RBM19: variants seen among roughly 807,000 people sequenced by gnomAD.
RBM19 encodes RNA binding motif protein 19.
In RBM19, 94 loss-of-function variants were observed where a neutral mutation model predicts 116.8. That is an observed-to-expected ratio of 0.80 (90% CI 0.68 to 0.95). The LOEUF (loss-of-function observed/expected upper bound fraction) is 0.95. Among genes scored for constraint, RBM19 ranks in the 40% least tolerant of loss-of-function variants. The pLI, the probability that RBM19 is intolerant of heterozygous loss-of-function variation, is 0.00. For synonymous variants in RBM19, 475 were observed against 494.1 expected, an observed-to-expected ratio of 0.96 and a Z score of 0.51; for missense variants, 1,161 against 1,220.7, an observed-to-expected ratio of 0.95 and a Z score of 0.73.
In RBM19 at chr12:113,947,395, G is replaced by C; in HGVS notation, c.1346C>G (p.Thr449Ser). Residue 449 changes from threonine to serine, a missense_variant, in exon 11 of 24, where the codon ACC becomes AGC. Thr to Ser is a moderately conservative substitution (Grantham distance 58). Transcript: ENST00000261741. ...CACAGCGTGCTCAGGGAACATGAAG[G>C]TGATGAATGCAAAACCCTTGGGTTT... ...TKKPKGFAFITFMFPEHAVKA... is the reference protein window; with the variant it reads ...TKKPKGFAFISFMFPEHAVKA... The C allele has an allele frequency of 6.2e-7, 1 of 1,611,898 alleles. No homozygotes were observed. Among genetic ancestry groups the C allele is most frequent in the Non-Finnish European group, 8.5e-7 (1 of 1,178,114 alleles).
Position 113,939,991 on chromosome 12 carries a change from C to T in RBM19, c.1907G>A (p.Arg636His), listed in dbSNP as rs201979395. The change falls in exon 15 of 24, where the codon CGC becomes CAC. Residue 636 changes from arginine to histidine, a missense_variant. By Grantham distance (29) the Arg-to-His change is conservative. Coordinates refer to ENST00000261741, the MANE Select transcript of RBM19 (RefSeq NM_016196.4). ...IVEFLEPLEA[R>H]KAFRHLAYSK... ...ATAGGCCAGATGCCTGAAGGCCTTG[C>T]GGGCCTCCAGGGGCTCCAGGAACTC... The T allele has an allele frequency of 5.3e-5, 85 of 1,613,940 alleles. No homozygotes were observed. The Middle Eastern group carries it at 1.3e-3, about 25-fold the overall frequency.
At chr12:113,909,866 C>T in intron 21 of RBM19, among the ~76,000 whole-genome samples, 1 of 152,174 alleles carries the variant, frequency 6.6e-6, no homozygotes, top group Non-Finnish European at 1.5e-5. Context: ...ATGAGCCCGG[C>T]ACTACGCTAG....
intron 21 of RBM19, among the ~76,000 whole-genome samples, chr12:113,891,539 C>T (rs1395465612): frequency 6.6e-6 from 1 of 152,156 alleles, no homozygotes; most frequent in African/African-American, 2.4e-5. Context: ...CTGGAATCGT[C>T]CAGGTGGACA....
rs867069088 is a variant in RBM19 at position 113,837,246 on chromosome 12, T to C, written c.2785+7422A>G. The stretch of plus-strand genomic sequence containing the variant: ...CCAGGCTTATAACCCATCCTCCTAA[T>C]ACACACACACACACACACACACACA... On this transcript the variant is annotated intron_variant, in intron 23 of 23. Transcript: ENST00000261741. Among the ~76,000 whole-genome samples the C allele has an allele frequency of 4.7e-4, 60 of 126,898 alleles. No homozygotes were observed. In the East Asian group the frequency reaches 5.1e-3, roughly 11 times the overall value. The allele number at this position is 126,898 out of a possible 152,430, so 83.3% of individuals were successfully genotyped here. A position where few individuals can be genotyped will look rare whatever the true frequency, so the allele number is the denominator to read the frequency against.
Position 113,940,118 on chromosome 12 carries a change from G to A in RBM19, c.1780C>T (p.Leu594Phe). The change falls in exon 15 of 24, where the codon CTC becomes TTC. Residue 594 changes from leucine to phenylalanine, a missense_variant. Transcript: ENST00000261741. The part of the protein sequence containing the change: ...RSKTVILVKN[L>F]PAGTLAAQLQ... Reference sequence around the variant, plus strand: ...TGGGCCGCCAGGGTGCCTGCCGGGAGGTTCTTGACCAGAATCACAGTCTTG... The same window carrying A: ...TGGGCCGCCAGGGTGCCTGCCGGGAAGTTCTTGACCAGAATCACAGTCTTG... 6.2e-7 allele frequency: 1 copy of A among 1,614,170 alleles called. No homozygotes were observed.
At chr12:113,860,548 C>T (rs1255014278) in intron 21 of RBM19, among the ~76,000 whole-genome samples, 2 of 152,234 alleles carry the variant, frequency 1.3e-5, no homozygotes, top group Admixed American at 6.5e-5. Flanking sequence ...GCGTTCAGAG[C>T]TGGTATGAGG....
intron 21 of RBM19, among the ~76,000 whole-genome samples, chr12:113,889,813 T>C (rs1880819493): frequency 6.6e-6 from 1 of 152,116 alleles, no homozygotes; most frequent in Non-Finnish European, 1.5e-5. Context: ...TGTGGAACGA[T>C]TTATTTTATG....
intron 18 of RBM19, among the ~76,000 whole-genome samples, chr12:113,924,242 C>T (rs577466548): frequency 2.6e-5 from 4 of 152,134 alleles, no homozygotes; most frequent in East Asian, 3.9e-4. Context: ...GTTAATGACT[C>T]GGTAGAACGT....
intron 16 of RBM19, among the ~76,000 whole-genome samples, chr12:113,930,466 C>A (rs1294781663): frequency 6.6e-6 from 1 of 152,238 alleles, no homozygotes; most frequent in Admixed American, 6.5e-5. Context: ...CAGTAATGGG[C>A]AGATCCCTTC....
At chr12:113,948,807 C>G (rs1871246994) in intron 10 of RBM19, 26 bp downstream of exon 10, 1 of 1,612,354 alleles carries the variant, frequency 6.2e-7, no homozygotes, top group Non-Finnish European at 8.5e-7. Context: ...GCTGGGCTAT[C>G]CACGGCCCGG....
At chr12:113,833,817 T>C (rs1363953210) in intron 23 of RBM19, among the ~76,000 whole-genome samples, 1 of 152,180 alleles carries the variant, frequency 6.6e-6, no homozygotes, top group Non-Finnish European at 1.5e-5. Context: ...AATCATGGCT[T>C]GCTGCAGCCT....
chr12:113,958,435 G>C (rs1196658807), intron 5 of RBM19, among the ~76,000 whole-genome samples: 1 of 152,060 alleles, frequency 6.6e-6, no homozygotes, highest in African/African-American at 2.4e-5. Context: ...GGCTGCGTGG[G>C]CTTCTTCCAC....
At chr12:113,847,365 A>C (rs915518854) in intron 22 of RBM19, among the ~76,000 whole-genome samples, 1 of 152,202 alleles carries the variant, frequency 6.6e-6, no homozygotes, top group Non-Finnish European at 1.5e-5. Context: ...TTAATTTAAA[A>C]AACTCTTTCT....
At chr12:113,868,514 A>C (rs1256162561) in intron 21 of RBM19, among the ~76,000 whole-genome samples, 1 of 152,236 alleles carries the variant, frequency 6.6e-6, no homozygotes, top group African/African-American at 2.4e-5. Flanking sequence ...ACATCTATTT[A>C]AACAGAGTTC....
intron 21 of RBM19, among the ~76,000 whole-genome samples, chr12:113,900,972 C>T (rs1433984004): frequency 2.0e-5 from 3 of 152,166 alleles, no homozygotes; most frequent in African/African-American, 7.2e-5. Context: ...TTGTGCCCAT[C>T]CTGCAATATG....
Position 113,962,212 on chromosome 12 carries a change from TGA to T in RBM19, c.219+18_219+19del. 1 of 1,611,584 alleles carries T rather than the reference TGA, an allele frequency of 6.2e-7. No individual in the cohort carries two copies. Among genetic ancestry groups the T allele is most frequent in the South Asian group, 1.1e-5 (1 of 91,036 alleles). ...GTCACACTTGACAGGAAGGTAAGGG[TGA>T]GACTCCTGCCCACTCACTGTGATCC... On this transcript the variant is annotated intron_variant, in intron 2 of 23. Transcript: ENST00000261741.
At chr12:113,895,577 CT>C (rs1881264516) in intron 21 of RBM19, among the ~76,000 whole-genome samples, 1 of 152,160 alleles carries the variant, frequency 6.6e-6, no homozygotes, top group Non-Finnish European at 1.5e-5. Flanking sequence ...GGACACAACA[CT>C]ATCACATCCG....
At chr12:113,868,347 T>C (rs1281244086) in intron 21 of RBM19, among the ~76,000 whole-genome samples, 1 of 152,204 alleles carries the variant, frequency 6.6e-6, no homozygotes, top group East Asian at 1.9e-4. Context: ...CCCTGTCTGC[T>C]GAACCTGAAT....
At chr12:113,851,773 G>A (rs543830228) in intron 22 of RBM19, among the ~76,000 whole-genome samples, 1 of 151,026 alleles carries the variant, frequency 6.6e-6, no homozygotes, top group Non-Finnish European at 1.5e-5. Flanking sequence ...TTTTAGGCTG[G>A]GTGCGGTGGC....
Sources: allele counts gnomAD v4.1 joint callset (sites outside exome capture counted in the v4.1 genomes callset), GRCh38; gene constraint gnomAD v4.1.1; transcripts MANE v1.5; gene names NCBI Gene and HGNC (gene_info 2026-07-23, HGNC 2026-07-21).